ABI3BP: variants seen among roughly 807,000 people sequenced by gnomAD.
The protein encoded by ABI3BP is target of Nesh-SH3.
Under a neutral mutation model 268.6 loss-of-function variants are expected in ABI3BP, and 216 were observed. The observed-to-expected ratio is 0.80, with a 90% CI of 0.72 to 0.90. ABI3BP has a LOEUF of 0.90. Ranked by LOEUF, ABI3BP falls within the 40% of genes least tolerant of loss-of-function variation. The pLI is 0.00. For synonymous variants in ABI3BP, 730 were observed against 730.0 expected (o/e 1.00, Z 0.00); for missense variants, 2,090 against 2,182.4 (o/e 0.96, Z 0.84).
rs1225316079 is a variant in ABI3BP at position 100,993,301 on chromosome 3, C to T, written c.79+5G>A. 1 of 1,542,594 alleles carries T rather than the reference C, an allele frequency of 6.5e-7. No individual in the cohort carries two copies. The highest frequency in any genetic ancestry group is 2.0e-5 in the Admixed American group (1 of 50,958). On this transcript the variant is annotated splice_donor_5th_base_variant and intron_variant, in intron 1 of 67. Coordinates refer to ENST00000471714, the MANE Select transcript of ABI3BP (RefSeq NM_001375547.2). ...TTTTAAAACATAAAACATCAGGCTA[C>T]TTGCCTTTTGGCAATTTCTGTGCAT...
chr3:100,821,530 C>G (rs79108507), intron 38 of ABI3BP, among the ~76,000 whole-genome samples: 3,616 of 151,858 alleles, frequency 0.024, 140 homozygotes, highest in African/African-American at 0.083. Context: ...ACCTAGGCAT[C>G]TCCGCCATGG....
At chr3:100,802,347 C>A (rs1296626388) in intron 51 of ABI3BP, among the ~76,000 whole-genome samples, 1 of 152,110 alleles carries the variant, frequency 6.6e-6, no homozygotes, top group Admixed American at 6.6e-5. Context: ...GACCACAAAG[C>A]CAAGACAGCT....
At chr3:100,834,561 G>A in intron 29 of ABI3BP, 123 bp downstream of exon 29, 2 of 820,360 alleles carry the variant, frequency 2.4e-6, no homozygotes, top group Non-Finnish European at 3.9e-6. Flanking sequence ...GGTAGCAGCT[G>A]CTTTCCATGA....
chr3:100,789,975 GAA>G (rs200090155), intron 55 of ABI3BP, among the ~76,000 whole-genome samples: 1,553 of 152,106 alleles, frequency 0.01, 12 homozygotes, highest in Non-Finnish European at 0.018. Context: ...AGGTAAAGAA[GAA>G]AGAGTAGGAG....
At chr3:100,918,355 T>A (rs2059316123) in intron 2 of ABI3BP, among the ~76,000 whole-genome samples, 1 of 150,620 alleles carries the variant, frequency 6.6e-6, no homozygotes, top group Non-Finnish European at 1.5e-5. Flanking sequence ...CGTCCACTCA[T>A]CTATTCCTTT....
intron 2 of ABI3BP, among the ~76,000 whole-genome samples, chr3:100,916,463 A>C (rs904468202): frequency 6.6e-6 from 1 of 152,194 alleles, no homozygotes; most frequent in Admixed American, 6.5e-5. Context: ...GCACGTTGGC[A>C]TGGTGTTCAG....
chr3:100,817,183 T>C (rs2098080658), intron 42 of ABI3BP, among the ~76,000 whole-genome samples: 1 of 152,172 alleles, frequency 6.6e-6, no homozygotes, highest in Non-Finnish European at 1.5e-5. Flanking sequence ...TAGACAAAAG[T>C]ACATGACACA....
chr3:100,990,951 T>C (rs918511600), intron 1 of ABI3BP, among the ~76,000 whole-genome samples: 1 of 152,306 alleles, frequency 6.6e-6, no homozygotes. Context: ...TTTTCATTAG[T>C]CTGTGGGAAA....
At chr3:100,818,406 A>C in intron 41 of ABI3BP, 119 bp downstream of exon 41, 1 of 867,748 alleles carries the variant, frequency 1.2e-6, no homozygotes, top group Non-Finnish European at 1.8e-6. Context: ...CAAGATAAAG[A>C]CTATAATGGA....
At chr3:100,854,233 C>T (rs890110211) in intron 14 of ABI3BP, among the ~76,000 whole-genome samples, 8 of 150,776 alleles carry the variant, frequency 5.3e-5, no homozygotes, top group Admixed American at 1.3e-4. Flanking sequence ...CCTGGGATGG[C>T]GGGCACCTGT....
At chr3:100,874,196 G>A (rs893595232) in intron 9 of ABI3BP, among the ~76,000 whole-genome samples, 29 of 152,050 alleles carry the variant, frequency 1.9e-4, no homozygotes, top group African/African-American at 4.8e-4. Context: ...GTTGGTGGTG[G>A]GGGGTGGTGG....
At chr3:100,857,336 T>C (rs1307254209) in intron 14 of ABI3BP, among the ~76,000 whole-genome samples, 2 of 152,234 alleles carry the variant, frequency 1.3e-5, no homozygotes, top group Non-Finnish European at 2.9e-5. Context: ...CACCCCTTTA[T>C]ATATTGTGCA....
At chr3:100,892,999 A>C (rs1388670025) in intron 4 of ABI3BP, among the ~76,000 whole-genome samples, 1 of 152,230 alleles carries the variant, frequency 6.6e-6, no homozygotes, top group African/African-American at 2.4e-5. Flanking sequence ...CATTTGAGTC[A>C]GTGGACTTGG....
chr3:100,800,213 CTTT>C (rs34125273), intron 51 of ABI3BP, among the ~76,000 whole-genome samples: 2 of 144,008 alleles, frequency 1.4e-5, no homozygotes, highest in African/African-American at 2.6e-5. Context: ...GGCTATTAAT[CTTT>C]TTTTTTTTTT....
At chr3:100,829,494 C>A in intron 33 of ABI3BP, 87 bp downstream of exon 33, 1 of 1,258,252 alleles carries the variant, frequency 7.9e-7, no homozygotes, top group Admixed American at 2.0e-5. Context: ...GTGGAATCAG[C>A]TGCTGACCAT....
In ABI3BP at chr3:100,872,760, G is replaced by A. The variant is rs144520643; in HGVS notation, c.910+2081C>T. ...CCTGGCAGCATCACATTTACATGAT[G>A]TAGGGTTGGATAACAGGGTTTTATA... is the stretch of plus-strand genomic sequence containing the variant. On this transcript the variant is annotated intron_variant, in intron 9 of 67. Transcript: ENST00000471714. Among the ~76,000 whole-genome samples, 258 of 152,262 alleles carry A rather than the reference G, an allele frequency of 1.7e-3. 1 individual carries two copies. The highest frequency in any genetic ancestry group is 2.7e-3 in the Non-Finnish European group (185 of 68,024).
At chr3:100,841,559 G>A (rs1050860409) in intron 21 of ABI3BP, among the ~76,000 whole-genome samples, 3 of 151,788 alleles carry the variant, frequency 2.0e-5, no homozygotes, top group Non-Finnish European at 2.9e-5. Context: ...GTATATCTTC[G>A]GGCAAAAATG....
At chr3:100,960,009 C>G (rs1249009395) in intron 1 of ABI3BP, among the ~76,000 whole-genome samples, 2 of 152,144 alleles carry the variant, frequency 1.3e-5, no homozygotes, top group East Asian at 3.8e-4. Flanking sequence ...AACACACTGT[C>G]AAGAGACAAA....
At chr3:100,784,746 C>T (rs1227517784) in intron 57 of ABI3BP, among the ~76,000 whole-genome samples, 1 of 152,078 alleles carries the variant, frequency 6.6e-6, no homozygotes, top group East Asian at 1.9e-4. Flanking sequence ...TTGGATGGAT[C>T]TAGAGACCAT....
Sources: gnomAD v4.1 joint callset for allele counts (sites outside exome capture counted in the v4.1 genomes callset) on GRCh38, gnomAD v4.1.1 for gene constraint, MANE v1.5 for transcripts, NCBI Gene and HGNC (gene_info 2026-07-23, HGNC 2026-07-21) for gene names.